Variants in ALPL observed in about 807,000 individuals in gnomAD.
ALPL encodes alkaline phosphatase, tissue-nonspecific isozyme.
ALPL carries 42 observed loss-of-function variants against 51.3 expected under a neutral mutation model. The ratio of observed to expected loss-of-function variants is 0.82; its 90% CI spans 0.64 to 1.06. ALPL has a LOEUF of 1.06. Among genes scored for constraint, ALPL ranks in the 50% least tolerant of loss-of-function variants. The pLI is 0.00. For missense variants in ALPL, 589 were observed against 709.4 expected (o/e 0.83, Z 1.93); for synonymous variants, 279 against 296.4 (o/e 0.94, Z 0.60).
At position 21,568,139 on chromosome 1, in the gene ALPL, C is replaced by G. The variant is rs369550359; in HGVS notation, c.684C>G (p.Pro228=). 2.5e-6 allele frequency: 4 copies of G among 1,614,044 alleles called. No homozygotes were observed. Among genetic ancestry groups the G allele is most frequent in the Non-Finnish European group, 3.4e-6 (4 of 1,180,022 alleles). The part of the protein sequence containing the change: ...IMGGGRKYMY[P]KNKTDVEYES... ...GGGGTGGCCGGAAATACATGTACCC[C>G]AAGAATAAAACTGATGTGGAGTATG... Residue 228 remains proline, a synonymous_variant, in exon 7 of 12, where the codon CCC becomes CCG. Coordinates refer to ENST00000374840, the MANE Select transcript of ALPL (RefSeq NM_000478.6).
intron 8 of ALPL, among the ~76,000 whole-genome samples, chr1:21,572,519 G>T (rs1315902019): frequency 2.0e-5 from 3 of 152,210 alleles, no homozygotes; most frequent in African/African-American, 7.2e-5. Flanking sequence ...ACAAAGGCTA[G>T]TGTGGGAGGA....
At chr1:21,576,218 TGATGGATG>T (rs371658562) in intron 10 of ALPL, among the ~76,000 whole-genome samples, 3 of 142,402 alleles carry the variant, frequency 2.1e-5, no homozygotes, top group African/African-American at 5.1e-5. Flanking sequence ...GATGGATGGA[TGATGGATG>T]GATGGATGGA....
chr1:21,509,114 C>G (rs376850880), upstream of ALPL, among the ~76,000 whole-genome samples: 1,600 of 152,140 alleles, frequency 0.011, 23 homozygotes, highest in Middle Eastern at 0.038. The surrounding 1 kb of genome is among the most constrained non-coding windows in gnomAD (Gnocchi z 6.0). Context: ...AGGAGCAGGT[C>G]AGAGCCCAGG....
intron 9 of ALPL, 144 bp downstream of exon 9, chr1:21,573,943 C>T (rs1001296972): frequency 7.4e-6 from 11 of 1,487,112 alleles, no homozygotes; most frequent in African/African-American, 5.6e-5. Context: ...TGGAAGGAGA[C>T]GGGTGGCACT....
In ALPL at chr1:21,577,782, A is replaced by C; in HGVS notation, c.*134A>C. On this transcript the variant is annotated 3_prime_UTR_variant, in exon 12 of 12. Transcript: ENST00000374840. ...GCAAGAAAGGGGACCCAAGAAACCA[A>C]AGTCTGCCGCCCACCTCGCTCCCCT... 8.4e-7 allele frequency: 1 copy of C among 1,196,320 alleles called. No homozygotes were observed. Among genetic ancestry groups the C allele is most frequent in the Non-Finnish European group, 1.1e-6 (1 of 870,482 alleles). The allele number at this position is 1,196,320 out of a possible 1,614,324, so 74.1% of individuals were successfully genotyped here.
intron 8 of ALPL, among the ~76,000 whole-genome samples, chr1:21,572,177 G>T (rs1288469734): frequency 6.6e-6 from 1 of 152,290 alleles, no homozygotes; most frequent in East Asian, 1.9e-4. Flanking sequence ...TTTAAAACAA[G>T]AGTAAACATT....
intron 1 of ALPL, among the ~76,000 whole-genome samples, chr1:21,528,645 C>T (rs934524574): frequency 2.6e-5 from 4 of 151,806 alleles, no homozygotes; most frequent in African/African-American, 7.3e-5. Flanking sequence ...CCTCCGCTCC[C>T]GGCCGACCTA....
chr1:21,537,146 T>C (rs1274606778), intron 1 of ALPL, among the ~76,000 whole-genome samples: 4 of 152,134 alleles, frequency 2.6e-5, no homozygotes, highest in Non-Finnish European at 5.9e-5. Flanking sequence ...TCTGCCCGCC[T>C]CGGCCTCCCA....
At chr1:21,519,483 T>A (rs1643862866) in intron 1 of ALPL, among the ~76,000 whole-genome samples, 1 of 152,222 alleles carries the variant, frequency 6.6e-6, no homozygotes, top group African/African-American at 2.4e-5. Context: ...AAAGGGCATC[T>A]CTTTTTAAAA....
rs114545502 is a variant in ALPL at position 21,567,848 on chromosome 1, G to A, written c.649-256G>A. Among the ~76,000 whole-genome samples, 1,336 of 152,220 alleles carry A rather than the reference G, an allele frequency of 8.8e-3. 14 individuals are homozygous for A. Among genetic ancestry groups the A allele is most frequent in the Non-Finnish European group, 0.013 (859 of 68,018 alleles). Reference sequence around the variant, plus strand: ...TTCGAGTGGGAGTTCTGTGGATTCCGGGAAGCCAAGTAAGGTAAGTTATCA... The same window carrying A: ...TTCGAGTGGGAGTTCTGTGGATTCCAGGAAGCCAAGTAAGGTAAGTTATCA... On this transcript the variant is annotated intron_variant, in intron 6 of 11. Transcript: ENST00000374840.
chr1:21,525,203 A>G (rs1183684351), intron 1 of ALPL, among the ~76,000 whole-genome samples: 1 of 152,228 alleles, frequency 6.6e-6, no homozygotes, highest in Non-Finnish European at 1.5e-5. Context: ...CATGATTTGA[A>G]TAATCAAGTG....
At chr1:21,519,105 G>A (rs1643853648) in intron 1 of ALPL, among the ~76,000 whole-genome samples, 1 of 152,246 alleles carries the variant, frequency 6.6e-6, no homozygotes, top group African/African-American at 2.4e-5. Context: ...GCCTTGCTGA[G>A]GGAGACCCCT....
At chr1:21,511,536 T>C (rs1185961062) in intron 1 of ALPL, among the ~76,000 whole-genome samples, 1 of 152,254 alleles carries the variant, frequency 6.6e-6, no homozygotes, top group Non-Finnish European at 1.5e-5. Flanking sequence ...GTTATGTGCC[T>C]ACCCTGCCTC....
chr1:21,556,180 T>G (rs1472237448), intron 2 of ALPL, among the ~76,000 whole-genome samples: 1 of 152,250 alleles, frequency 6.6e-6, no homozygotes, highest in Non-Finnish European at 1.5e-5. Context: ...GTTTTTATGT[T>G]GATTTCTTGG....
chr1:21,568,029 G>C (rs1558552142), intron 6 of ALPL, 75 bp from the exon 7 acceptor site: 7 of 1,607,534 alleles, frequency 4.4e-6, no homozygotes, highest in South Asian at 1.1e-5. Context: ...CAGGAGTCCA[G>C]GTTCCAAGCC....
chr1:21,512,092 C>T (rs1643699236), intron 1 of ALPL, among the ~76,000 whole-genome samples: 1 of 152,298 alleles, frequency 6.6e-6, no homozygotes, highest in East Asian at 1.9e-4. Flanking sequence ...GGAGAGTGAG[C>T]AAGCTGGGCT....
chr1:21,569,880 C>A (rs1314440767), intron 7 of ALPL, among the ~76,000 whole-genome samples: 1 of 152,182 alleles, frequency 6.6e-6, no homozygotes, highest in African/African-American at 2.4e-5. Flanking sequence ...CCCTGGCCCT[C>A]CACGGCCTCC....
At chr1:21,574,194 CA>C in intron 9 of ALPL, 6 of 985,440 alleles carry the variant, frequency 6.1e-6, no homozygotes, top group Non-Finnish European at 7.2e-6. Flanking sequence ...CAGCGCCGGC[CA>C]GGGGCCTTGC....
intron 1 of ALPL, among the ~76,000 whole-genome samples, chr1:21,545,272 G>A (rs1644238537): frequency 6.6e-6 from 1 of 150,750 alleles, no homozygotes; most frequent in East Asian, 1.9e-4. Flanking sequence ...AAGTTTTGGG[G>A]GTTTTTTTGT....
Sources: gnomAD v4.1 joint callset for allele counts (sites outside exome capture counted in the v4.1 genomes callset) on GRCh38, gnomAD v4.1.1 for gene constraint, Gnocchi (gnomAD v3.1) non-coding constraint, MANE v1.5 for transcripts, NCBI Gene and HGNC (gene_info 2026-07-23, HGNC 2026-07-21) for gene names.